The following ANK2 variants were observed in gnomAD, a reference collection of about 807,000 sequenced individuals.
The protein encoded by ANK2 is ankyrin-2.
ANK2 carries 83 observed loss-of-function variants against 360.5 expected under a neutral mutation model. The observed-to-expected ratio is 0.23, with a 90% confidence interval of 0.19 to 0.28. ANK2 has a LOEUF of 0.28. Among genes scored for constraint, ANK2 ranks in the 10% least tolerant of loss-of-function variants. The probability of loss-of-function intolerance (pLI) is 1.00; values close to 1 mark genes in which losing one functional copy is unlikely to be tolerated. For missense variants in ANK2, 4,201 were observed against 4,795.7 expected (o/e 0.88, Z 3.66); for synonymous variants, 1,740 against 1,759.5 (o/e 0.99, Z 0.28).
At chr4:113,106,974 T>G (rs2093704018) in intron 1 of ANK2, 1 of 521,766 alleles carries the variant, frequency 1.9e-6, no homozygotes, top group Non-Finnish European at 3.9e-6. Flanking sequence ...AGACTTCCAT[T>G]TGGAATTATG....
chr4:112,791,770 C>T, the ANK2 span, among the ~76,000 whole-genome samples: 17 of 151,610 alleles, frequency 1.1e-4, no homozygotes, highest in African/African-American at 2.9e-4. Context: ...GGATTACAGG[C>T]GTGAGCCACC....
At chr4:113,245,087 AC>A in intron 9 of ANK2, among the ~76,000 whole-genome samples, 1 of 152,028 alleles carries the variant, frequency 6.6e-6, no homozygotes, top group East Asian at 1.9e-4. Context: ...TTAGCACTAA[AC>A]TTTCCCCCCA....
intron 1 of ANK2, among the ~76,000 whole-genome samples, chr4:113,161,497 T>A (rs2154403189): frequency 6.6e-6 from 1 of 152,328 alleles, no homozygotes; most frequent in East Asian, 1.9e-4. Context: ...TCAAATTGAA[T>A]AGCCCAAACA....
At chr4:112,738,916 T>C in the ANK2 span, 30 of 693,408 alleles carry the variant, frequency 4.3e-5, no homozygotes, top group Admixed American at 5.0e-4. Flanking sequence ...CACATGCTGC[T>C]AGTGGCTTCC....
chr4:113,292,620 A>T (rs29340), intron 21 of ANK2, 106 bp downstream of exon 21: 50 of 1,215,948 alleles, frequency 4.1e-5, no homozygotes, highest in Non-Finnish European at 5.6e-5. Flanking sequence ...CTCTTTAAAT[A>T]AGCCCCCTGG....
In ANK2 at chr4:113,274,439, G is replaced by A. The variant is rs745389920; in HGVS notation, c.1486-13G>A. 5 of 1,613,884 alleles carry A rather than the reference G, an allele frequency of 3.1e-6. No homozygotes were observed. Among genetic ancestry groups the A allele is most frequent in the Non-Finnish European group, 4.2e-6 (5 of 1,179,900 alleles). On this transcript the variant is annotated splice_polypyrimidine_tract_variant and intron_variant, in intron 14 of 45. Coordinates refer to ENST00000357077, the MANE Select transcript of ANK2 (RefSeq NM_001148.6). ...CTGCCCGGCACTAACTTTTTACTTG[G>A]CTTGAGTTGTAGGAGGAACAGACAC... is the stretch of plus-strand genomic sequence containing the variant.
At chr4:112,730,993 T>A in the ANK2 span, among the ~76,000 whole-genome samples, 2 of 151,530 alleles carry the variant, frequency 1.3e-5, no homozygotes, top group African/African-American at 4.8e-5. Flanking sequence ...CAAAAAAAAA[T>A]TAGCTGGGCA....
At chr4:112,818,253 C>G (rs2055877141) in exon 1 of ANK2, 1 of 152,208 alleles carries the variant, frequency 6.6e-6, no homozygotes, top group Non-Finnish European at 1.5e-5. Context: ...CAGAGAGAAG[C>G]TGCCGCTCCC....
chr4:113,165,921 A>T (rs1389244679), intron 1 of ANK2, among the ~76,000 whole-genome samples: 1 of 152,046 alleles, frequency 6.6e-6, no homozygotes, highest in African/African-American at 2.4e-5. Flanking sequence ...TTTCCCTGTT[A>T]CTCTGATTTT....
At chr4:113,114,267 G>A (rs2094555738) in intron 1 of ANK2, among the ~76,000 whole-genome samples, 2 of 151,954 alleles carry the variant, frequency 1.3e-5, no homozygotes, top group East Asian at 3.9e-4. Context: ...AAAGATACCT[G>A]GAAAAAATTA....
chr4:113,082,309 T>C lies in ANK2; in HGVS notation c.84+32497T>C, dbSNP rs1042809397. ...CTTCCTATTTCAAACTTGTTTTTTT[T>C]CCCCTTTTTGTGGAGAGTGGGGTCT... On this transcript the variant is annotated intron_variant, in intron 1 of 45. Transcript: ENST00000357077. Among the ~76,000 whole-genome samples the C allele has an allele frequency of 3.9e-5, 6 of 152,226 alleles. No individual in the cohort carries two copies. In the East Asian group the frequency reaches 5.8e-4, roughly 15 times the overall value.
the ANK2 span, among the ~76,000 whole-genome samples, chr4:112,705,816 C>A: frequency 6.6e-6 from 1 of 152,206 alleles, no homozygotes; most frequent in Admixed American, 6.5e-5. Context: ...CCCGGCAGCT[C>A]GCACTTTCAG....
intron 1 of ANK2, among the ~76,000 whole-genome samples, chr4:112,894,380 T>G (rs1199859776): frequency 6.6e-6 from 1 of 152,186 alleles, no homozygotes; most frequent in Non-Finnish European, 1.5e-5. Flanking sequence ...CATAAAATTT[T>G]TGTATTTGGT....
intron 1 of ANK2, among the ~76,000 whole-genome samples, chr4:113,085,597 G>A (rs932323916): frequency 2.0e-5 from 3 of 152,078 alleles, no homozygotes; most frequent in Non-Finnish European, 2.9e-5. Context: ...GTGAGCCACC[G>A]CGCCCGGCCT....
rs2080290529 is a variant in ANK2 at position 113,312,120 on chromosome 4, A to G, written c.2693+721A>G. Among the ~76,000 whole-genome samples, 8 of 151,796 alleles carry G rather than the reference A, an allele frequency of 5.3e-5. No homozygotes were observed. The South Asian group carries it at 1.5e-3, about 28-fold the overall frequency. On this transcript the variant is annotated intron_variant, in intron 24 of 45. Transcript: ENST00000357077. ...TGGTTCCTCATTGAAATTATGACTG[A>G]TAAGTTGGGCCATGAATATGGATGT...
At chr4:113,294,426 A>C (rs1587471641) in intron 22 of ANK2, among the ~76,000 whole-genome samples, 1 of 152,254 alleles carries the variant, frequency 6.6e-6, no homozygotes, top group East Asian at 1.9e-4. Flanking sequence ...CTCTTCAAAG[A>C]CAATAAAACC....
intron 2 of ANK2, among the ~76,000 whole-genome samples, chr4:112,964,486 G>T (rs1270169586): frequency 6.6e-6 from 1 of 151,962 alleles, no homozygotes; most frequent in African/African-American, 2.4e-5. Flanking sequence ...GTTCCATCCA[G>T]GTTGTTGCAA....
At chr4:112,935,236 C>T (rs2093633146) in intron 2 of ANK2, among the ~76,000 whole-genome samples, 1 of 152,054 alleles carries the variant, frequency 6.6e-6, no homozygotes, top group African/African-American at 2.4e-5. Flanking sequence ...GGGCTTCTAA[C>T]TGAGATGTGA....
intron 31 of ANK2, among the ~76,000 whole-genome samples, chr4:113,338,140 G>C (rs973695227): frequency 1.3e-5 from 2 of 152,136 alleles, no homozygotes; most frequent in South Asian, 2.1e-4. Context: ...GTTATGCTGA[G>C]TATGTATTTT....
Sources: gnomAD v4.1 joint callset for allele counts (sites outside exome capture counted in the v4.1 genomes callset) on GRCh38, gnomAD v4.1.1 for gene constraint, MANE v1.5 for transcripts, NCBI Gene and HGNC (gene_info 2026-07-23, HGNC 2026-07-21) for gene names.